Variants in SUPT6H observed in about 807,000 individuals in gnomAD.
SUPT6H encodes the protein transcription elongation factor SPT6.
In SUPT6H, 11 loss-of-function variants were observed where a neutral mutation model predicts 222.3. The observed-to-expected ratio is 0.05, with a 90% CI of 0.03 to 0.08. SUPT6H has a LOEUF of 0.08. SUPT6H is among the 10% of genes least tolerant of loss of function. The pLI is 1.00. For missense variants in SUPT6H, 1,422 were observed against 2,216.0 expected (o/e 0.64, Z 7.19); for synonymous variants, 762 against 801.2 (o/e 0.95, Z 0.83).
At position 28,676,188 on chromosome 17, in the gene SUPT6H, G is replaced by A; in HGVS notation, c.655G>A (p.Val219Met). 1 of 1,606,254 alleles carries A rather than the reference G, an allele frequency of 6.2e-7. No individual in the cohort carries two copies. The highest frequency in any genetic ancestry group is 1.7e-4 in the Middle Eastern group (1 of 5,998). The change falls in exon 7 of 37, where the codon GTG becomes ATG. Residue 219 changes from valine to methionine, a missense_variant. Transcript: ENST00000314616. The part of the protein sequence containing the change: ...ALQEAQEIFG[V>M]DFDYDEFEKY... ...GCAAGAAGCCCAGGAAATCTTCGGTGTGGACTTTGACTATGATGAATTTGA... is the reference window on the plus strand; with the variant it reads ...GCAAGAAGCCCAGGAAATCTTCGGTATGGACTTTGACTATGATGAATTTGA...
chr17:28,678,525 C>T lies in SUPT6H; in HGVS notation c.1117-20C>T. ...CAAATCTGTCTTCTCTGAGTGACTGCAGTCTCTTTGCCATCCTAGGTGCCT... is the reference window on the plus strand; with the variant it reads ...CAAATCTGTCTTCTCTGAGTGACTGTAGTCTCTTTGCCATCCTAGGTGCCT... On this transcript the variant is annotated intron_variant, in intron 9 of 36. Coordinates refer to ENST00000314616, the MANE Select transcript of SUPT6H (RefSeq NM_003170.5). The T allele has an allele frequency of 1.2e-6, 2 of 1,610,256 alleles. No individual in the cohort carries two copies. Among genetic ancestry groups the T allele is most frequent in the African/African-American group, 1.3e-5 (1 of 74,964 alleles).
intron 19 of SUPT6H, among the ~76,000 whole-genome samples, 185 bp downstream of exon 19, chr17:28,685,146 C>T (rs977179493): frequency 6.6e-6 from 1 of 152,158 alleles, no homozygotes; most frequent in African/African-American, 2.4e-5. Flanking sequence ...TTATCTAGTA[C>T]GGGATTTGCT....
rs1186988324 is a variant in SUPT6H at position 28,676,221 on chromosome 17, A to C, written c.688A>C (p.Asn230His). ...TGACTATGATGAATTTGAGAAATAC[A>C]ATGAGTATGATGAAGAACTGGAGGA... ...DFDYDEFEKY[N>H]EYDEELEEEY... is the part of the protein sequence containing the mutation. The change falls in exon 7 of 37, where the codon AAT (asparagine) becomes CAT (histidine). Residue 230 changes from asparagine (N) to histidine (H), a missense_variant. This residue lies in a region of SUPT6H where 389 missense variants were observed against 544.6 expected (regional missense o/e 0.71). Coordinates refer to ENST00000314616, the MANE Select transcript of SUPT6H (RefSeq NM_003170.5). 1 of 1,612,788 alleles carries C rather than the reference A, an allele frequency of 6.2e-7. No individual in the cohort carries two copies. The highest frequency in any genetic ancestry group is 8.5e-7 in the Non-Finnish European group (1 of 1,179,566).
intron 1 of SUPT6H, among the ~76,000 whole-genome samples, chr17:28,667,439 ATGTG>A (rs1160938841): frequency 1.7e-5 from 2 of 119,432 alleles, no homozygotes; most frequent in Admixed American, 9.1e-5. Flanking sequence ...ATATATATGT[ATGTG>A]TGTGTGTATA....
chr17:28,693,971 AT>A, intron 28 of SUPT6H, 135 bp downstream of exon 28: 1 of 1,180,412 alleles, frequency 8.5e-7, no homozygotes, highest in Non-Finnish European at 1.2e-6. Flanking sequence ...TTCAGGGAAG[AT>A]TTATAACTAG....
chr17:28,666,435 A>G (rs2030016429), intron 1 of SUPT6H, among the ~76,000 whole-genome samples: 2 of 152,208 alleles, frequency 1.3e-5, no homozygotes, highest in Admixed American at 1.3e-4. Flanking sequence ...AAGGTTCAGT[A>G]ACTGTTAATC....
chr17:28,691,083 C>T lies in SUPT6H; in HGVS notation c.3633+20C>T, dbSNP rs761085476. On this transcript the variant is annotated intron_variant, in intron 27 of 36. Coordinates refer to ENST00000314616, the MANE Select transcript of SUPT6H (RefSeq NM_003170.5). ...AGCGAGGTGTGTGCTGCAGCATTATCCTGCTCAGTGGATTTCCTTGGTTGA... is the reference window on the plus strand; with the variant it reads ...AGCGAGGTGTGTGCTGCAGCATTATTCTGCTCAGTGGATTTCCTTGGTTGA... 13 of 1,609,400 alleles carry T rather than the reference C, an allele frequency of 8.1e-6. No individual in the cohort carries two copies. Among genetic ancestry groups the T allele is most frequent in the Non-Finnish European group, 1.1e-5 (13 of 1,177,816 alleles).
chr17:28,671,512 C>CT (rs1215227772), intron 1 of SUPT6H, among the ~76,000 whole-genome samples: 1 of 152,124 alleles, frequency 6.6e-6, no homozygotes, highest in Non-Finnish European at 1.5e-5. Context: ...AGGAGTGATG[C>CT]TGAGTGTGTC....
intron 29 of SUPT6H, among the ~76,000 whole-genome samples, chr17:28,696,433 C>T (rs1298664506): frequency 1.3e-5 from 2 of 149,874 alleles, no homozygotes; most frequent in African/African-American, 2.5e-5. Context: ...CCCATCTCTA[C>T]TAAAAATACA....
intron 1 of SUPT6H, among the ~76,000 whole-genome samples, chr17:28,669,559 T>C (rs1040393169): frequency 2.0e-5 from 3 of 152,186 alleles, no homozygotes; most frequent in Non-Finnish European, 4.4e-5. Flanking sequence ...ATCCCAGAAC[T>C]TTGGAAGGTC....
At chr17:28,666,412 A>G (rs78138983) in intron 1 of SUPT6H, among the ~76,000 whole-genome samples, 1,951 of 152,266 alleles carry the variant, frequency 0.013, 23 homozygotes, top group Middle Eastern at 0.051. Context: ...GCGCTCCTCA[A>G]TGTGTGTACC....
At position 28,675,062 on chromosome 17, in the gene SUPT6H, G is replaced by A. The variant is rs781093228; in HGVS notation, c.438G>A (p.Ala146=). The stretch of plus-strand genomic sequence containing the variant: ...AGGAACATGAAAAAGAAGCTATTGC[G>A]GAAGAAATCTTCCAGGATGGGGAAG... ...GKEEHEKEAI[A]EEIFQDGEGE... The change falls in exon 5 of 37, where the codon GCG becomes GCA. Residue 146 remains alanine, a synonymous_variant. Transcript: ENST00000314616. 22 of 1,614,046 alleles carry A rather than the reference G, an allele frequency of 1.4e-5. No individual in the cohort carries two copies. Among genetic ancestry groups the A allele is most frequent in the Non-Finnish European group, 1.7e-5 (20 of 1,180,036 alleles).
chr17:28,664,080 A>G (rs2072121751), intron 1 of SUPT6H, among the ~76,000 whole-genome samples: 1 of 151,944 alleles, frequency 6.6e-6, no homozygotes, highest in Non-Finnish European at 1.5e-5. Flanking sequence ...TGTCTCTGCA[A>G]TATTCAACAT....
Position 28,675,140 on chromosome 17 carries a change from G to A in SUPT6H, c.516G>A (p.Glu172=), listed in dbSNP as rs2030665148. Reference sequence around the variant, plus strand: ...CCCCCATGGCTCCTCCAGAGGAGGAGGAAGAAGATGATGAGGAGTCAGGTA... The same window carrying A: ...CCCCCATGGCTCCTCCAGAGGAGGAAGAAGAAGATGATGAGGAGTCAGGTA... ...MEAPMAPPEE[E]EEDDEESDID... The change falls in exon 5 of 37, where the codon GAG becomes GAA. Residue 172 remains glutamate, a synonymous_variant. Transcript: ENST00000314616. 1 of 1,611,130 alleles carries A rather than the reference G, an allele frequency of 6.2e-7. No homozygotes were observed. The highest frequency in any genetic ancestry group is 1.3e-5 in the African/African-American group (1 of 74,528).
At chr17:28,673,345 T>A (rs964016462) in intron 1 of SUPT6H, 26 bp from the exon 2 acceptor site, 55 of 1,445,528 alleles carry the variant, frequency 3.8e-5, no homozygotes, top group Non-Finnish European at 5.0e-5. Context: ...TCCGTTTTTT[T>A]ATCCTTCACT....
At chr17:28,692,204 G>A (rs571934430) in intron 27 of SUPT6H, among the ~76,000 whole-genome samples, 8 of 151,436 alleles carry the variant, frequency 5.3e-5, no homozygotes, top group Non-Finnish European at 7.4e-5. Context: ...GGCGCCTGTA[G>A]TCCCAGCTAC....
intron 21 of SUPT6H, 142 bp from the exon 22 acceptor site, chr17:28,686,946 G>A: frequency 6.7e-7 from 1 of 1,482,992 alleles, no homozygotes; most frequent in Admixed American, 2.1e-5. Context: ...TTCAGATTGG[G>A]AGTCCCAGAA....
In SUPT6H at chr17:28,689,190, A is replaced by G. The variant is rs549582970; in HGVS notation, c.3135-164A>G. 19 of 629,018 alleles carry G rather than the reference A, an allele frequency of 3.0e-5. No individual in the cohort carries two copies. The East Asian group carries it at 4.7e-4, about 16-fold the overall frequency. 39.0% of individuals were successfully genotyped at this position (629,018 alleles called of 1,614,324 possible). On this transcript the variant is annotated intron_variant, in intron 24 of 36. Coordinates refer to ENST00000314616, the MANE Select transcript of SUPT6H (RefSeq NM_003170.5). ...ATCAATATATTGTGGCCATCTTTCC[A>G]TGTCAGCACACATAGATCTACCTCA... is the stretch of plus-strand genomic sequence containing the variant.
Position 28,666,294 on chromosome 17 carries a change from G to A in SUPT6H, c.-32+3952G>A, listed in dbSNP as rs539240225. On this transcript the variant is annotated intron_variant, in intron 1 of 36. Transcript: ENST00000314616. ...AAACTAAGGCCTGTGAGCCAAATAA[G>A]GTCACCCCCATTCATTTACATGTTA... 5.9e-5 allele frequency among the ~76,000 whole-genome samples: 9 copies of A among 152,286 alleles called. No individual in the cohort carries two copies. In the East Asian group the frequency reaches 1.2e-3, roughly 20 times the overall value.
Sources: gnomAD v4.1 joint callset for allele counts (sites outside exome capture counted in the v4.1 genomes callset) on GRCh38, gnomAD v4.1.1 for gene constraint, gnomAD v4.1.1 regional missense constraint, MANE v1.5 for transcripts, NCBI Gene and HGNC (gene_info 2026-07-23, HGNC 2026-07-21) for gene names.